IQCJ: variants seen among roughly 807,000 people sequenced by gnomAD.
IQCJ encodes IQ motif containing J, also known as IQ domain-containing protein J.
In IQCJ, 9 loss-of-function variants were observed where a neutral mutation model predicts 11.0. The observed-to-expected ratio is 0.82, with a 90% CI of 0.49 to 1.43. The LOEUF (loss-of-function observed/expected upper bound fraction) is 1.43. Ranked by LOEUF, IQCJ falls within the 40% of genes most tolerant of loss-of-function variation. The pLI is 0.00. For missense variants in IQCJ, 146 were observed against 133.2 expected (o/e 1.10, Z -0.47); for synonymous variants, 55 against 51.3 (o/e 1.07, Z -0.31).
intron 1 of IQCJ, among the ~76,000 whole-genome samples, chr3:159,164,675 G>A (rs1722063280): frequency 1.3e-5 from 2 of 152,174 alleles, no homozygotes; most frequent in South Asian, 4.1e-4. Context: ...GGCTGAGGCA[G>A]GAGAATCGCT....
At chr3:159,236,652 G>A (rs1052213633) in intron 1 of IQCJ, among the ~76,000 whole-genome samples, 6 of 152,296 alleles carry the variant, frequency 3.9e-5, no homozygotes, top group African/African-American at 1.2e-4. Flanking sequence ...ACTGAGGTCC[G>A]AGGGCAAAGC....
intron 1 of IQCJ, among the ~76,000 whole-genome samples, chr3:159,085,397 A>T (rs1312924862): frequency 2.0e-5 from 3 of 152,200 alleles, no homozygotes; most frequent in East Asian, 3.9e-4. Context: ...TGTGTCTTTA[A>T]AGCAGCATGA....
At chr3:159,069,842 C>CT (rs763514390) in intron 1 of IQCJ, 1 of 387,636 alleles carries the variant, frequency 2.6e-6, no homozygotes, top group Admixed American at 2.9e-5. Flanking sequence ...GCCCTCCTTT[C>CT]TTGTGTGTGT....
chr3:159,159,281 T>A (rs748146726), intron 1 of IQCJ, among the ~76,000 whole-genome samples: 2 of 152,048 alleles, frequency 1.3e-5, no homozygotes, highest in Non-Finnish European at 2.9e-5. Context: ...AGGAGAAGGT[T>A]GGGGCTGTGG....
intron 2 of IQCJ, 36 bp downstream of exon 2, chr3:159,245,943 G>A: frequency 1.4e-6 from 2 of 1,453,358 alleles, no homozygotes; most frequent in South Asian, 1.3e-5. Context: ...CATCTGCAAG[G>A]TTGGAAAGCT....
At chr3:159,122,939 T>C (rs1469726623) in intron 1 of IQCJ, among the ~76,000 whole-genome samples, 7 of 152,294 alleles carry the variant, frequency 4.6e-5, no homozygotes, top group Admixed American at 4.6e-4. Context: ...TGAATGGTGA[T>C]GATGTTATTA....
Position 159,189,122 on chromosome 3 carries a change from A to C in IQCJ, c.10-56721A>C, listed in dbSNP as rs182286808. On this transcript the variant is annotated intron_variant, in intron 1 of 3. Transcript: ENST00000397832. The stretch of plus-strand genomic sequence containing the variant: ...GGGGCAGAACTTTGACATGATAGAG[A>C]GTAGGATGCAGAAGATAGCCATCTA... 2.7e-3 allele frequency among the ~76,000 whole-genome samples: 409 copies of C among 152,258 alleles called. 2 individuals carry two copies. Among genetic ancestry groups the C allele is most frequent in the Admixed American group, 0.019 (290 of 15,294 alleles).
chr3:159,208,911 A>G (rs1724799961), intron 1 of IQCJ, among the ~76,000 whole-genome samples: 1 of 152,222 alleles, frequency 6.6e-6, no homozygotes, highest in South Asian at 2.1e-4. Flanking sequence ...GTGAAGACAA[A>G]GAAATACATT....
intron 1 of IQCJ, among the ~76,000 whole-genome samples, chr3:159,242,801 C>T (rs1252945887): frequency 6.6e-6 from 1 of 151,646 alleles, no homozygotes; most frequent in East Asian, 1.9e-4. Flanking sequence ...ACAGAAAATA[C>T]TAAATAACAA....
intron 3 of IQCJ, among the ~76,000 whole-genome samples, chr3:159,254,023 C>A (rs1727754969): frequency 6.6e-6 from 1 of 152,310 alleles, no homozygotes; most frequent in East Asian, 1.9e-4. Flanking sequence ...CTACAAAGTT[C>A]TGTGTCACAC....
intron 1 of IQCJ, among the ~76,000 whole-genome samples, chr3:159,225,433 T>C (rs1249916363): frequency 2.6e-5 from 4 of 152,126 alleles, no homozygotes; most frequent in African/African-American, 9.7e-5. Context: ...AGCCTTATGG[T>C]AATGGAACAG....
At chr3:159,246,011 T>C (rs138062711) in intron 2 of IQCJ, 104 bp downstream of exon 2, 3 of 868,544 alleles carry the variant, frequency 3.5e-6, no homozygotes, top group Non-Finnish European at 5.2e-6. Context: ...CAGTTTCTTA[T>C]GTTATCATTG....
In IQCJ at chr3:159,069,329, C is replaced by T. The variant is rs553169704; in HGVS notation, c.-104C>T. ...AAGGTTTCCAGCCTCACACTCGCCT[C>T]ACATTCCCCCACAGTCACATTGCGC... On this transcript the variant is annotated 5_prime_UTR_variant, in exon 1 of 4. Coordinates refer to ENST00000397832, the MANE Select transcript of IQCJ (RefSeq NM_001042706.3). 5 of 1,454,460 alleles carry T rather than the reference C, an allele frequency of 3.4e-6. No homozygotes were observed. The highest frequency in any genetic ancestry group is 4.6e-6 in the Non-Finnish European group (5 of 1,095,272). 90.1% of individuals were successfully genotyped at this position (1,454,460 alleles called of 1,614,324 possible). A position where few individuals can be genotyped will look rare whatever the true frequency, so the allele number is the denominator to read the frequency against.
downstream of IQCJ, chr3:159,265,225 C>T: frequency 1.2e-6 from 2 of 1,613,104 alleles, no homozygotes; most frequent in African/African-American, 1.3e-5. Context: ...TTTGCCAGGG[C>T]CCCTGTTGGG....
At chr3:159,156,807 G>T (rs1721546632) in intron 1 of IQCJ, among the ~76,000 whole-genome samples, 2 of 152,104 alleles carry the variant, frequency 1.3e-5, no homozygotes, top group South Asian at 4.1e-4. Context: ...GCAAAAACCA[G>T]TGCCCCAATC....
intron 1 of IQCJ, among the ~76,000 whole-genome samples, chr3:159,090,600 G>A (rs537521116): frequency 6.6e-6 from 1 of 151,768 alleles, no homozygotes; most frequent in African/African-American, 2.4e-5. Context: ...GCACATATGG[G>A]TGTGTCATAT....
chr3:159,160,992 A>G (rs1721817746), intron 1 of IQCJ, among the ~76,000 whole-genome samples: 1 of 152,118 alleles, frequency 6.6e-6, no homozygotes, highest in African/African-American at 2.4e-5. Context: ...CAATAAACAT[A>G]CGTGTGCATG....
At chr3:159,080,851 T>TAG (rs1466068100) in intron 1 of IQCJ, among the ~76,000 whole-genome samples, 1 of 152,028 alleles carries the variant, frequency 6.6e-6, no homozygotes, top group Non-Finnish European at 1.5e-5. Flanking sequence ...GTTGTAGAAG[T>TAG]CTGACTGTCT....
intron 3 of IQCJ, among the ~76,000 whole-genome samples, chr3:159,259,655 G>C (rs146672554): frequency 1.7e-4 from 26 of 152,276 alleles, no homozygotes; most frequent in African/African-American, 5.3e-4. Context: ...TGTAGGAATC[G>C]CCAAGGGGAG....
Sources: allele counts gnomAD v4.1 joint callset (sites outside exome capture counted in the v4.1 genomes callset), GRCh38; gene constraint gnomAD v4.1.1; transcripts MANE v1.5; gene names NCBI Gene and HGNC (gene_info 2026-07-23, HGNC 2026-07-21).